The following SLC15A5 variants were observed in gnomAD, a reference collection of about 807,000 sequenced individuals.
The protein encoded by SLC15A5 is Peptide/histidine transporter ENSP00000340402.
SLC15A5 carries 58 observed loss-of-function variants against 56.1 expected under a neutral mutation model. That is an observed-to-expected ratio of 1.03 (90% CI 0.84 to 1.29). The LOEUF is 1.29. Among genes scored for constraint, SLC15A5 ranks in the 50% most tolerant of loss-of-function variants. The probability of loss-of-function intolerance (pLI) is 0.00; values close to 1 mark genes in which losing one functional copy is unlikely to be tolerated. For missense variants in SLC15A5, 681 were observed against 672.1 expected, an observed-to-expected ratio of 1.01 and a Z score of -0.15; for synonymous variants, 264 against 250.5, an observed-to-expected ratio of 1.05 and a Z score of -0.51.
At chr12:16,266,019 A>C (rs1864691797) in intron 2 of SLC15A5, among the ~76,000 whole-genome samples, 1 of 152,240 alleles carries the variant, frequency 6.6e-6, no homozygotes, top group East Asian at 1.9e-4. Flanking sequence ...TAAAAAAACT[A>C]AAACCTCTCA....
At chr12:16,227,517 A>G (rs1217360415) in intron 5 of SLC15A5, among the ~76,000 whole-genome samples, 1 of 152,206 alleles carries the variant, frequency 6.6e-6, no homozygotes. Context: ...ACATCATTTT[A>G]TGCTTTTAAG....
rs1380878313 is a variant in SLC15A5, at chr12:16,196,847, G to GA, written c.1484-2395dup. Among the ~76,000 whole-genome samples the GA allele has an allele frequency of 6.6e-6, 1 of 151,982 alleles. No individual in the cohort carries two copies. Among genetic ancestry groups the GA allele is most frequent in the Non-Finnish European group, 1.5e-5 (1 of 67,984 alleles). On this transcript the variant is annotated intron_variant, in intron 7 of 8. Coordinates refer to ENST00000344941, the MANE Select transcript of SLC15A5 (RefSeq NM_001170798.1). The surrounding 1 kb of genome is among the most constrained non-coding windows in gnomAD (Gnocchi z 4.0). ...TAAAGGTAAAACATAATATTTTAAA[G>GA]AAATTGTTTCATTATGGCAAATACC...
chr12:16,198,111 T>C (rs1863913368), intron 7 of SLC15A5, among the ~76,000 whole-genome samples: 1 of 152,158 alleles, frequency 6.6e-6, no homozygotes, highest in Non-Finnish European at 1.5e-5. Context: ...AATACTTTCA[T>C]AATATAACCA....
rs970908027 is a variant in SLC15A5, at chr12:16,224,506, C to T, written c.1259G>A (p.Gly420Glu). Residue 420 changes from glycine to glutamate, a missense_variant, in exon 6 of 9, where the codon GGA (glycine) becomes GAA (glutamate). Coordinates refer to ENST00000344941, the MANE Select transcript of SLC15A5 (RefSeq NM_001170798.1). The part of the protein sequence containing the change: ...HFPAVEQPLS[G>E]KVLTVSSMPC... ...CATGGAGGAAACAGTGAGAACTTTT[C>T]CTGAAAGGGGCTGCTCCACTGCAGG... 2 of 1,537,172 alleles carry T rather than the reference C, an allele frequency of 1.3e-6. No individual in the cohort carries two copies. The highest frequency in any genetic ancestry group is 2.4e-5 in the East Asian group (1 of 40,896).
intron 3 of SLC15A5, among the ~76,000 whole-genome samples, chr12:16,250,346 G>A (rs538001994): frequency 6.6e-6 from 1 of 152,112 alleles, no homozygotes; most frequent in East Asian, 1.9e-4. Flanking sequence ...CAGAGGCAAA[G>A]CATCCAGAGT....
chr12:16,200,838 T>C (rs767528125), intron 7 of SLC15A5, among the ~76,000 whole-genome samples: 14 of 151,998 alleles, frequency 9.2e-5, no homozygotes, highest in Non-Finnish European at 1.9e-4. Context: ...ACAAAAAAAT[T>C]AGGAAATGCA....
At position 16,194,454 on chromosome 12, in the gene SLC15A5, C is replaced by G; in HGVS notation, c.1484-1G>C. ...TTTAATGTGTTTGGAAACCAATTGC[C>G]TGTTTGGAACAAATGTAATTGTTAT... On this transcript the variant is annotated splice_acceptor_variant, in intron 7 of 8. Coordinates refer to ENST00000344941, the MANE Select transcript of SLC15A5 (RefSeq NM_001170798.1). LOFTEE classifies it high-confidence loss of function. 1 of 1,519,194 alleles carries G rather than the reference C, an allele frequency of 6.6e-7. No individual in the cohort carries two copies. Among genetic ancestry groups the G allele is most frequent in the African/African-American group, 1.4e-5 (1 of 72,662 alleles). 94.1% of individuals were successfully genotyped at this position (1,519,194 alleles called of 1,614,324 possible).
chr12:16,214,530 A>C (rs934995973), intron 7 of SLC15A5, among the ~76,000 whole-genome samples: 3 of 152,198 alleles, frequency 2.0e-5, no homozygotes, highest in Non-Finnish European at 4.4e-5. Context: ...GAGCAGAAGG[A>C]GGGTGGAGAC....
Position 16,189,412 on chromosome 12 carries a change from T to C in SLC15A5, c.*256A>G. The C allele has an allele frequency of 9.2e-6, 2 of 217,918 alleles. No homozygotes were observed. The highest frequency in any genetic ancestry group is 1.6e-5 in the Non-Finnish European group (2 of 122,506). The allele number at this position is 217,918 out of a possible 1,614,324, so 13.5% of individuals were successfully genotyped here. A position where few individuals can be genotyped will look rare whatever the true frequency, so the allele number is the denominator to read the frequency against. On this transcript the variant is annotated 3_prime_UTR_variant, in exon 9 of 9. Transcript: ENST00000344941. ...GGTATTATTGGTGTATAGAAAACTG[T>C]CATTTTTTTTGTCATAGAGTAATCA...
At chr12:16,252,513 T>C (rs913199612) in intron 3 of SLC15A5, among the ~76,000 whole-genome samples, 1 of 152,010 alleles carries the variant, frequency 6.6e-6, no homozygotes, top group African/African-American at 2.4e-5. Context: ...TAATTAACGA[T>C]GACTGATCTG....
chr12:16,259,901 C>G (rs2417552), intron 2 of SLC15A5, among the ~76,000 whole-genome samples: 139,175 of 148,458 alleles, frequency 0.94, 65,414 homozygotes, highest in South Asian at 0.98. Flanking sequence ...ACCACCCGGG[C>G]GGGGGGTAAG....
intron 4 of SLC15A5, among the ~76,000 whole-genome samples, chr12:16,240,123 A>G (rs1253803018): frequency 6.6e-6 from 1 of 152,208 alleles, no homozygotes; most frequent in East Asian, 1.9e-4. Context: ...TAATTTTTCT[A>G]TGAAAAGTAA....
intron 2 of SLC15A5, among the ~76,000 whole-genome samples, chr12:16,258,990 C>CTTTTTTTTTTTTTTTTTTTTT (rs35905307): frequency 1.7e-5 from 2 of 118,498 alleles, no homozygotes; most frequent in Admixed American, 9.5e-5. Context: ...TCTTCTTTTT[C>CTTTTTTTTTTTTTTTTTTTTT]TTTTTTTTTT....
At chr12:16,239,474 C>A (rs1438127185) in intron 5 of SLC15A5, among the ~76,000 whole-genome samples, 1 of 152,078 alleles carries the variant, frequency 6.6e-6, no homozygotes. Context: ...TCTGAGGAGA[C>A]ATAAACATAA....
At chr12:16,213,553 G>A (rs1392795404) in intron 7 of SLC15A5, among the ~76,000 whole-genome samples, 1 of 152,080 alleles carries the variant, frequency 6.6e-6, no homozygotes, top group Non-Finnish European at 1.5e-5. Context: ...GAATTTTTCT[G>A]GGCACTAGAT....
At chr12:16,224,366 G>T in intron 6 of SLC15A5, 48 bp downstream of exon 6, 1 of 1,509,652 alleles carries the variant, frequency 6.6e-7, no homozygotes, top group South Asian at 1.2e-5. Context: ...TGTGTTCTGT[G>T]TAAAGGTTCA....
rs566470879 is a variant in SLC15A5, at chr12:16,197,179, T to G, written c.1484-2726A>C. On this transcript the variant is annotated intron_variant, in intron 7 of 8. Transcript: ENST00000344941. ...CTCCTGTATTCATTCTTAAATATCA[T>G]TTTTAGCATGTGGCTTTCTTTCTAA... 9.2e-5 allele frequency among the ~76,000 whole-genome samples: 14 copies of G among 152,270 alleles called. No individual in the cohort carries two copies. The East Asian group carries it at 2.1e-3, about 23-fold the overall frequency.
At chr12:16,232,662 T>C (rs1864309752) in intron 5 of SLC15A5, among the ~76,000 whole-genome samples, 1 of 152,154 alleles carries the variant, frequency 6.6e-6, no homozygotes, top group Admixed American at 6.5e-5. Context: ...GTAGCTGTAA[T>C]CCCAGCACTT....
At chr12:16,206,486 CT>C (rs1424229535) in intron 7 of SLC15A5, among the ~76,000 whole-genome samples, 8 of 152,100 alleles carry the variant, frequency 5.3e-5, no homozygotes, top group Non-Finnish European at 1.0e-4. Context: ...GAAATAATAC[CT>C]AACCACTGTA....
Sources: allele counts gnomAD v4.1 joint callset (sites outside exome capture counted in the v4.1 genomes callset), GRCh38; gene constraint gnomAD v4.1.1; non-coding constraint Gnocchi (gnomAD v3.1); transcripts MANE v1.5; gene names NCBI Gene and HGNC (gene_info 2026-07-23, HGNC 2026-07-21).